The following POLR1C variants were observed in gnomAD, a reference collection of about 807,000 sequenced individuals.
POLR1C encodes the protein RNA polymerase I and III subunit C.
In POLR1C, 42 loss-of-function variants were observed where a neutral mutation model predicts 38.3. The observed-to-expected ratio is 1.10, with a 90% CI of 0.86 to 1.42. The LOEUF (loss-of-function observed/expected upper bound fraction) is 1.42. Among genes scored for constraint, POLR1C ranks in the 40% most tolerant of loss-of-function variants. The pLI is 0.00. For missense variants in POLR1C, 507 were observed against 450.5 expected (o/e 1.13, Z -1.14); for synonymous variants, 163 against 163.9 (o/e 0.99, Z 0.04).
chr6:43,539,627 C>T lies in POLR1C; in HGVS notation c.*4+10268C>T, dbSNP rs184148388. 4,322 of 1,344,190 alleles carry T rather than the reference C, an allele frequency of 3.2e-3. 11 individuals are homozygous for T. Among genetic ancestry groups the T allele is most frequent in the Non-Finnish European group, 3.8e-3 (3,721 of 969,188 alleles). 83.3% of individuals were successfully genotyped at this position (1,344,190 alleles called of 1,614,324 possible). On this transcript the variant is annotated intron_variant, in intron 9 of 10. Coordinates refer to the POLR1C transcript ENST00000607635. ...CCGGATGCCACTGGCGAAACCTCTG[C>T]GGAAGCCACCGCGGTTCCCCATCCC... is the stretch of plus-strand genomic sequence containing the variant.
intron 9 of POLR1C, chr6:43,549,338 A>T: frequency 1.4e-6 from 1 of 691,832 alleles, no homozygotes; most frequent in Non-Finnish European, 2.3e-6. Flanking sequence ...TGTTGGGATT[A>T]CAGGTGTGAG....
intron 9 of POLR1C, among the ~76,000 whole-genome samples, chr6:43,535,992 G>A (rs538057908): frequency 6.6e-6 from 1 of 150,384 alleles, no homozygotes; most frequent in South Asian, 2.1e-4. Context: ...GTATGGCGGT[G>A]CATGCCTGTA....
At chr6:43,560,156 T>A in intron 10 of POLR1C, 1 of 1,608,012 alleles carries the variant, frequency 6.2e-7, no homozygotes, top group Non-Finnish European at 8.5e-7. Context: ...ACATTCCACA[T>A]GTTTAGATTC....
rs113865903 is a variant in POLR1C at position 43,537,327 on chromosome 6, G to A, written c.*4+7968G>A. On this transcript the variant is annotated intron_variant, in intron 9 of 10. Coordinates refer to the POLR1C transcript ENST00000607635. ...TAGATCAACCTGTAATACATACCTG[G>A]GAGTCTTTTAAAGGCTAAACCTTTA... is the stretch of plus-strand genomic sequence containing the variant. 3.8e-4 allele frequency among the ~76,000 whole-genome samples: 58 copies of A among 152,060 alleles called. 1 individual carries two copies. The highest frequency in any genetic ancestry group is 3.4e-3 in the Middle Eastern group (1 of 294).
In POLR1C at chr6:43,520,778, T is replaced by G. The variant is rs368111931; in HGVS notation, c.805+4T>G. ...ATTGAGGTGCAGGAAGTCCAAGGTA[T>G]GGTATTTGGGATGCTGTTCAAGTTA... On this transcript the variant is annotated splice_donor_region_variant and intron_variant, in intron 7 of 8. Transcript: ENST00000642195. 5 of 1,613,580 alleles carry G rather than the reference T, an allele frequency of 3.1e-6. No homozygotes were observed. The African/African-American group carries it at 5.4e-5, about 17-fold the overall frequency.
At chr6:43,533,988 C>T (rs767935058), downstream of POLR1C, 4 of 1,603,354 alleles carry the variant, frequency 2.5e-6, no homozygotes, top group Non-Finnish European at 3.4e-6. Context: ...ATTTCTGGTG[C>T]ATATAATGTA....
At chr6:43,522,671 A>G (rs1484269569), downstream of POLR1C, 1 of 480,208 alleles carries the variant, frequency 2.1e-6, no homozygotes, top group Non-Finnish European at 4.4e-6. Context: ...CGCACCAGCT[A>G]AAAACTGTAG....
chr6:43,560,323 A>G, intron 10 of POLR1C: 1 of 1,578,660 alleles, frequency 6.3e-7, no homozygotes, highest in Admixed American at 1.9e-5. Flanking sequence ...AAAAAAAAAG[A>G]AAACGTCAAA....
intron 10 of POLR1C, chr6:43,558,891 T>A (rs1762254878): frequency 7.4e-6 from 2 of 269,714 alleles, no homozygotes; most frequent in Non-Finnish European, 1.4e-5. Flanking sequence ...CAGTATGTAG[T>A]AAGGAAGAAA....
intron 10 of POLR1C, among the ~76,000 whole-genome samples, chr6:43,557,572 T>C (rs1414637985): frequency 6.6e-6 from 1 of 151,862 alleles, no homozygotes; most frequent in African/African-American, 2.4e-5. Context: ...AGACAGAAAG[T>C]AGATTACTGG....
At chr6:43,528,172 T>G in intron 8 of POLR1C, 1 of 1,594,496 alleles carries the variant, frequency 6.3e-7, no homozygotes, top group East Asian at 2.3e-5. Flanking sequence ...AGCAGGCTCC[T>G]TTGGTTGATA....
intron 9 of POLR1C, chr6:43,547,715 T>A (rs967500322): frequency 7.4e-6 from 12 of 1,613,096 alleles, no homozygotes; most frequent in Non-Finnish European, 1.0e-5. Context: ...ACTCTGAAGG[T>A]TGGAGGGGGA....
downstream of POLR1C, chr6:43,523,323 ACTGAC>A (rs1355701855): frequency 8.3e-6 from 2 of 240,300 alleles, no homozygotes; most frequent in African/African-American, 4.5e-5. Flanking sequence ...AGTTGAGAGA[ACTGAC>A]CAAGTTCTCT....
At chr6:43,537,214 C>T (rs1408880304) in intron 9 of POLR1C, among the ~76,000 whole-genome samples, 1 of 151,674 alleles carries the variant, frequency 6.6e-6, no homozygotes, top group Admixed American at 6.6e-5. Flanking sequence ...CCAAGAGATC[C>T]TCCTGCCCTG....
downstream of POLR1C, chr6:43,523,465 G>A (rs192020192): frequency 1.3e-4 from 45 of 355,450 alleles, no homozygotes; most frequent in Non-Finnish European, 7.2e-5. Context: ...AAGTAGTTGA[G>A]GGCTGTGCTC....
intron 10 of POLR1C, chr6:43,560,403 T>A (rs1180114614): frequency 2.9e-6 from 4 of 1,392,950 alleles, no homozygotes; most frequent in Non-Finnish European, 3.8e-6. Context: ...TAGAAATAAA[T>A]CTGTACAATA....
chr6:43,549,661 CAG>C (rs772777561), intron 9 of POLR1C: 23 of 1,470,024 alleles, frequency 1.6e-5, no homozygotes, highest in South Asian at 3.8e-5. Flanking sequence ...ATATCTCAGT[CAG>C]GGGCAAATTC....
intron 9 of POLR1C, among the ~76,000 whole-genome samples, chr6:43,538,408 C>G (rs1451427795): frequency 6.6e-6 from 1 of 151,962 alleles, no homozygotes; most frequent in Non-Finnish European, 1.5e-5. Flanking sequence ...CCTCGGCCTC[C>G]CAAACTGCTG....
Position 43,519,384 on chromosome 6 carries a change from A to G in POLR1C, c.193A>G (p.Met65Val), listed in dbSNP as rs141471029. The G allele has an allele frequency of 1.5e-3, 2,355 of 1,614,026 alleles. 4 individuals carry two copies. The highest frequency in any genetic ancestry group is 1.8e-3 in the Non-Finnish European group (2,175 of 1,179,880). Reference protein sequence around the residue: ...HMDENSLEFDMVGIDAAIANA... With the variant: ...HMDENSLEFDVVGIDAAIANA... ...GGATGAAAACTCACTGGAGTTTGACATGGTGGGAATTGACGCAGCCATTGC... is the reference window on the plus strand; with the variant it reads ...GGATGAAAACTCACTGGAGTTTGACGTGGTGGGAATTGACGCAGCCATTGC... The change falls in exon 3 of 9, where the codon ATG becomes GTG. Residue 65 changes from methionine to valine, a missense_variant. By Grantham distance (21) the Met-to-Val change is conservative (BLOSUM62 1). Coordinates refer to ENST00000642195, the MANE Select transcript of POLR1C (RefSeq NM_203290.4).
Sources: gnomAD v4.1 joint callset for allele counts (sites outside exome capture counted in the v4.1 genomes callset) on GRCh38, gnomAD v4.1.1 for gene constraint, MANE v1.5 for transcripts, NCBI Gene and HGNC (gene_info 2026-07-23, HGNC 2026-07-21) for gene names.